JARID2: variants seen among roughly 807,000 people sequenced by gnomAD.
JARID2 encodes the protein jumonji and AT-rich interaction domain containing 2, also known as protein Jumonji.
JARID2 carries 21 observed loss-of-function variants against 125.6 expected under a neutral mutation model. The ratio of observed to expected loss-of-function variants is 0.17; its 90% CI spans 0.12 to 0.24. The LOEUF (loss-of-function observed/expected upper bound fraction) is 0.24, where lower values mean the gene tolerates loss of function less well. Ranked by LOEUF, JARID2 falls within the 10% of genes least tolerant of loss-of-function variation. JARID2 has a pLI of 1.00. For synonymous variants in JARID2, 736 were observed against 661.6 expected (o/e 1.11, Z -1.73); for missense variants, 1,303 against 1,639.6 (o/e 0.79, Z 3.55).
At chr6:15,491,555 C>T (rs1277769793) in intron 6 of JARID2, among the ~76,000 whole-genome samples, 3 of 152,240 alleles carry the variant, frequency 2.0e-5, no homozygotes, top group African/African-American at 7.2e-5. Flanking sequence ...GCAGAGGCCT[C>T]GGCTCAACGG....
At chr6:15,416,364 C>T (rs1002153924) in intron 3 of JARID2, among the ~76,000 whole-genome samples, 2 of 152,264 alleles carry the variant, frequency 1.3e-5, no homozygotes, top group South Asian at 4.1e-4. Context: ...TGTAGCGAGC[C>T]GAGATCACGC....
At chr6:15,313,660 A>G (rs1447936335) in intron 1 of JARID2, among the ~76,000 whole-genome samples, 2 of 152,166 alleles carry the variant, frequency 1.3e-5, no homozygotes, top group African/African-American at 4.8e-5. Flanking sequence ...TTGTGGCATT[A>G]GTGTTTTGAC....
At chr6:15,469,284 G>C (rs1478973639) in intron 5 of JARID2, among the ~76,000 whole-genome samples, 4 of 74,904 alleles carry the variant, frequency 5.3e-5, no homozygotes, top group African/African-American at 2.2e-4. Flanking sequence ...CTGTCTCTCT[G>C]TCTCTGTCTC....
At chr6:15,467,255 C>A (rs1449313640) in intron 4 of JARID2, among the ~76,000 whole-genome samples, 1 of 152,172 alleles carries the variant, frequency 6.6e-6, no homozygotes, top group African/African-American at 2.4e-5. Flanking sequence ...ATGGTTTTAA[C>A]TGTGTGTTTA....
At chr6:15,248,154 G>T (rs2127281785) in intron 1 of JARID2, 16 of 909,952 alleles carry the variant, frequency 1.8e-5, no homozygotes, top group Non-Finnish European at 2.1e-5. Context: ...GCTGCGGGAG[G>T]CACGGCACGA....
chr6:15,459,742 T>C (rs1768357169), intron 4 of JARID2, among the ~76,000 whole-genome samples: 1 of 152,214 alleles, frequency 6.6e-6, no homozygotes, highest in Non-Finnish European at 1.5e-5. Flanking sequence ...TATTTTGATG[T>C]GGTCCTAGCC....
At position 15,415,811 on chromosome 6, in the gene JARID2, G is replaced by C. The variant is rs1450818796; in HGVS notation, c.323+5446G>C. Among the ~76,000 whole-genome samples the C allele has an allele frequency of 2.2e-5, 3 of 138,710 alleles. 1 individual carries two copies. Among genetic ancestry groups the C allele is most frequent in the Admixed American group, 1.4e-4 (2 of 13,936 alleles). 91.0% of individuals were successfully genotyped at this position (138,710 alleles called of 152,430 possible). ...CACCTCCCAGACGGGGCGGCTGGCC[G>C]GGCGGGGGGCTGACCCCCCCACCTC... is the stretch of plus-strand genomic sequence containing the variant. On this transcript the variant is annotated intron_variant, in intron 3 of 17. Transcript: ENST00000341776.
At chr6:15,408,989 T>G (rs1765764632) in intron 2 of JARID2, among the ~76,000 whole-genome samples, 1 of 152,254 alleles carries the variant, frequency 6.6e-6, no homozygotes, top group Non-Finnish European at 1.5e-5. Flanking sequence ...GTGTTTTATT[T>G]TCAACCTCAT....
intron 2 of JARID2, among the ~76,000 whole-genome samples, chr6:15,402,069 C>CT (rs1373673529): frequency 1.3e-5 from 2 of 152,180 alleles, no homozygotes; most frequent in Non-Finnish European, 2.9e-5. Context: ...GAACTTAGAA[C>CT]TTCCAAGAGA....
At chr6:15,470,142 A>G (rs930738764) in intron 5 of JARID2, among the ~76,000 whole-genome samples, 2 of 149,760 alleles carry the variant, frequency 1.3e-5, no homozygotes, top group Non-Finnish European at 3.0e-5. Flanking sequence ...GTGCCACTGC[A>G]CTCCAGCTTG....
At chr6:15,351,477 C>T (rs11759478) in intron 1 of JARID2, among the ~76,000 whole-genome samples, 1 of 152,138 alleles carries the variant, frequency 6.6e-6, no homozygotes, top group African/African-American at 2.4e-5. Flanking sequence ...CATCCCTGCT[C>T]TGCTCCAGAG....
At chr6:15,267,667 G>A (rs995349478) in intron 1 of JARID2, among the ~76,000 whole-genome samples, 1 of 152,110 alleles carries the variant, frequency 6.6e-6, no homozygotes, top group Admixed American at 6.5e-5. Context: ...CCGGTGTGAC[G>A]CGCGAACTCA....
rs1338243930 is a variant in JARID2 at position 15,496,224 on chromosome 6, C to T, written c.999C>T (p.Ser333=). 1 of 1,614,086 alleles carries T rather than the reference C, an allele frequency of 6.2e-7. No individual in the cohort carries two copies. The highest frequency in any genetic ancestry group is 8.5e-7 in the Non-Finnish European group (1 of 1,180,008). Residue 333 remains serine (S), a synonymous_variant, in exon 7 of 18, where the codon TCC becomes TCT. Coordinates refer to ENST00000341776, the MANE Select transcript of JARID2 (RefSeq NM_004973.4). The part of the protein sequence containing the change: ...KKMREVRPSP[S]KTVKYTATVT... The stretch of plus-strand genomic sequence containing the variant: ...TGCGCGAGGTCAGACCTTCACCATC[C>T]AAAACTGTGAAGTACACTGCCACGG...
intron 3 of JARID2, among the ~76,000 whole-genome samples, chr6:15,429,113 C>A (rs1581551652): frequency 1.3e-5 from 2 of 152,052 alleles, no homozygotes; most frequent in East Asian, 3.8e-4. Context: ...TAGGCTATGT[C>A]CACTTGAGTA....
intron 1 of JARID2, among the ~76,000 whole-genome samples, chr6:15,306,328 C>CTTTTT (rs398000594): frequency 4.3e-4 from 43 of 99,238 alleles, no homozygotes; most frequent in East Asian, 1.4e-3. Context: ...AGTCATATTT[C>CTTTTT]TTTTTTTTTT....
At chr6:15,450,584 G>T (rs56259001) in intron 3 of JARID2, among the ~76,000 whole-genome samples, 36,103 of 152,044 alleles carry the variant, frequency 0.24, 5,022 homozygotes, top group East Asian at 0.42. Flanking sequence ...GCTGTTTCTT[G>T]GTTCTTTTTG....
chr6:15,314,260 G>A (rs565312987), intron 1 of JARID2, among the ~76,000 whole-genome samples: 4 of 152,168 alleles, frequency 2.6e-5, no homozygotes, highest in East Asian at 3.9e-4. Flanking sequence ...TATAACATTT[G>A]CCACTACTTC....
At chr6:15,273,762 G>A (rs984673862) in intron 1 of JARID2, among the ~76,000 whole-genome samples, 4 of 152,202 alleles carry the variant, frequency 2.6e-5, no homozygotes, top group East Asian at 1.9e-4. Context: ...CTTGAAGCAC[G>A]ATTTTTCGAA....
intron 1 of JARID2, among the ~76,000 whole-genome samples, chr6:15,370,387 AG>A (rs1464504992): frequency 7.1e-6 from 1 of 140,860 alleles, no homozygotes; most frequent in East Asian, 2.1e-4. Context: ...TGTAGTGTGC[AG>A]TGGCACGATC....
Sources: allele counts gnomAD v4.1 joint callset (sites outside exome capture counted in the v4.1 genomes callset), GRCh38; gene constraint gnomAD v4.1.1; transcripts MANE v1.5; gene names NCBI Gene and HGNC (gene_info 2026-07-23, HGNC 2026-07-21).